Variants in TENM1 observed in about 807,000 individuals in gnomAD.
TENM1 encodes the protein teneurin-1.
A neutral mutation model predicts 174.8 loss-of-function variants in TENM1; 35 were observed. The observed-to-expected ratio is 0.20, with a 90% CI of 0.15 to 0.27. The LOEUF (loss-of-function observed/expected upper bound fraction) is 0.27. TENM1 is among the 10% of genes least tolerant of loss of function. The pLI is 1.00. For synonymous variants in TENM1, 781 were observed against 798.7 expected, an observed-to-expected ratio of 0.98 and a Z score of 0.37; for missense variants, 1,633 against 2,130.1, an observed-to-expected ratio of 0.77 and a Z score of 4.59.
intron 3 of TENM1, among the ~76,000 whole-genome samples, chrX:124,798,025 C>G (rs911731108): frequency 9.0e-6 from 1 of 111,572 alleles, no homozygotes; most frequent in African/African-American, 3.3e-5. Context: ...AGGACATGAT[C>G]TCATTCCTTT....
chrX:124,587,524 A>T (rs1366992781), intron 11 of TENM1, among the ~76,000 whole-genome samples: 6 of 111,439 alleles, frequency 5.4e-5, no homozygotes, highest in Non-Finnish European at 9.4e-5. Flanking sequence ...CTTACACCTT[A>T]TACAAAAACT....
At chrX:124,883,464 G>A (rs946105311) in intron 3 of TENM1, among the ~76,000 whole-genome samples, 2 of 112,348 alleles carry the variant, frequency 1.8e-5, no homozygotes, top group Non-Finnish European at 3.8e-5. Context: ...GGCAGGCCAA[G>A]TGTGCCTGTT....
chrX:124,564,120 G>A (rs1488029967), intron 12 of TENM1, among the ~76,000 whole-genome samples: 1 of 111,607 alleles, frequency 9.0e-6, no homozygotes. Context: ...AGAGAGTTCT[G>A]GAGTAACCAC....
intron 30 of TENM1, among the ~76,000 whole-genome samples, chrX:124,383,343 T>A (rs969788232): frequency 2.7e-5 from 3 of 111,948 alleles, no homozygotes. Flanking sequence ...AATATCAGCT[T>A]ATATGATGAA....
chrX:124,451,522 T>G (rs909059585), intron 23 of TENM1, among the ~76,000 whole-genome samples: 7 of 112,261 alleles, frequency 6.2e-5, no homozygotes, highest in Non-Finnish European at 9.4e-5. Flanking sequence ...ATAAAACTAC[T>G]TTAAAGTTCA....
the TENM1 span, among the ~76,000 whole-genome samples, chrX:125,026,258 A>G: frequency 9.0e-6 from 1 of 111,390 alleles, no homozygotes; most frequent in African/African-American, 3.3e-5. Flanking sequence ...TGATAAAATC[A>G]TAAAATAAGA....
chrX:125,133,479 C>G, the TENM1 span, among the ~76,000 whole-genome samples: 1 of 111,623 alleles, frequency 9.0e-6, no homozygotes, highest in African/African-American at 3.3e-5. Context: ...AAACGATACT[C>G]TCCGGATCAT....
At chrX:124,958,600 T>C (rs145327433) in intron 1 of TENM1, among the ~76,000 whole-genome samples, 115 of 111,323 alleles carry the variant, frequency 1.0e-3, no homozygotes, top group African/African-American at 3.7e-3. Context: ...CCTCCTGACA[T>C]AGGTATGGAA....
At chrX:125,099,512 A>G in the TENM1 span, among the ~76,000 whole-genome samples, 1 of 112,124 alleles carries the variant, frequency 8.9e-6, no homozygotes, top group African/African-American at 3.2e-5. Context: ...GCTGCAATAA[A>G]GGAAATGGAA....
the TENM1 span, among the ~76,000 whole-genome samples, chrX:125,026,943 C>T: frequency 4.5e-5 from 5 of 111,333 alleles, no homozygotes; most frequent in African/African-American, 1.6e-4. Flanking sequence ...TAAAGGGTAT[C>T]TATTAAAAAC....
chrX:125,164,590 C>T, the TENM1 span, among the ~76,000 whole-genome samples: 330 of 111,932 alleles, frequency 2.9e-3, 6 homozygotes, highest in East Asian at 0.079. Context: ...TTGCTTTGCA[C>T]CTGGCAGAGC....
chrX:124,918,297 A>G (rs964087018), intron 1 of TENM1, among the ~76,000 whole-genome samples: 6 of 109,632 alleles, frequency 5.5e-5, no homozygotes, highest in Non-Finnish European at 1.1e-4. Context: ...CTCCAGCTTC[A>G]GCCTCCAGAG....
chrX:124,460,992 A>T (rs1433873048), intron 22 of TENM1, among the ~76,000 whole-genome samples: 1 of 111,969 alleles, frequency 8.9e-6, no homozygotes, highest in East Asian at 2.8e-4. Context: ...ACCCGTCCCA[A>T]AAATTGTTAA....
chrX:124,993,608 A>G, the TENM1 span, among the ~76,000 whole-genome samples: 1 of 110,866 alleles, frequency 9.0e-6, no homozygotes, highest in Non-Finnish European at 1.9e-5. Context: ...ACTGAGGATG[A>G]GAGGAAGCTA....
chrX:125,095,703 G>A, the TENM1 span, among the ~76,000 whole-genome samples: 1 of 111,532 alleles, frequency 9.0e-6, no homozygotes, highest in Non-Finnish European at 1.9e-5. Flanking sequence ...AATTATCTAT[G>A]CACAGAAAGA....
At chrX:125,119,066 C>A in the TENM1 span, among the ~76,000 whole-genome samples, 1 of 111,272 alleles carries the variant, frequency 9.0e-6, no homozygotes, top group Admixed American at 9.6e-5. Flanking sequence ...AAAATGGGTC[C>A]ATTTAATTGC....
rs1359206439 is a variant in TENM1 at position 124,405,025 on chromosome X, C to A, written c.5391+6G>T. 3.3e-6 allele frequency: 4 copies of A among 1,201,450 alleles called. No homozygotes were observed. In the South Asian group the frequency reaches 7.1e-5, roughly 21 times the overall value. On this transcript the variant is annotated splice_donor_region_variant and intron_variant, in intron 27 of 31. Transcript: ENST00000422452. ...GTTCTATATCTTGTGTAAAGTCAAG[C>A]CTTACCCTCAGCCTCCTTTCAAAAG...
At chrX:124,723,423 T>C (rs1221790006) in intron 4 of TENM1, among the ~76,000 whole-genome samples, 1 of 111,211 alleles carries the variant, frequency 9.0e-6, no homozygotes, top group African/African-American at 3.3e-5. Flanking sequence ...CTTTCTCCTC[T>C]ATGAACTCCT....
chrX:124,723,591 G>GTT (rs1280230529), intron 4 of TENM1, among the ~76,000 whole-genome samples: 38 of 86,852 alleles, frequency 4.4e-4, no homozygotes, highest in African/African-American at 1.1e-3. Flanking sequence ...TATCTGGTGG[G>GTT]TTTTTTTTTT....
Sources: gnomAD v4.1 joint callset for allele counts (sites outside exome capture counted in the v4.1 genomes callset) on GRCh38, gnomAD v4.1.1 for gene constraint, MANE v1.5 for transcripts, NCBI Gene and HGNC (gene_info 2026-07-23, HGNC 2026-07-21) for gene names.